IDS: variants seen among roughly 807,000 people sequenced by gnomAD.
The protein encoded by IDS is iduronate 2-sulfatase, also known as alpha-L-iduronate sulfate sulfatase.
A neutral mutation model predicts 33.5 loss-of-function variants in IDS; 1 was observed. That is an observed-to-expected ratio of 0.03 (90% CI 0.01 to 0.14). The LOEUF (loss-of-function observed/expected upper bound fraction) is 0.14, where lower values mean the gene tolerates loss of function less well. Ranked by LOEUF, IDS falls within the 10% of genes least tolerant of loss-of-function variation. The pLI, the probability that IDS is intolerant of heterozygous loss-of-function variation, is 1.00. For synonymous variants in IDS, 191 were observed against 184.4 expected (o/e 1.04, Z -0.29); for missense variants, 328 against 448.0 (o/e 0.73, Z 2.42).
At chrX:149,491,017 A>G (rs1166358973) in intron 6 of IDS, among the ~76,000 whole-genome samples, 5 of 112,013 alleles carry the variant, frequency 4.5e-5, no homozygotes, top group African/African-American at 1.6e-4. Flanking sequence ...AACTAATTAC[A>G]TCTGCAATAA....
At position 149,503,005 on chromosome X, in the gene IDS, G is replaced by A. The variant is rs2089492672; in HGVS notation, c.418+307C>T. ...TGCAGGGGAGAGGGTGGGGCCCTGAGCTGGACTCCACCCAACACTGCCACC... is the reference window on the plus strand; with the variant it reads ...TGCAGGGGAGAGGGTGGGGCCCTGAACTGGACTCCACCCAACACTGCCACC... On this transcript the variant is annotated intron_variant, in intron 3 of 8. Transcript: ENST00000340855. The A allele has an allele frequency of 5.0e-6, 3 of 600,720 alleles. No individual in the cohort carries two copies. In the South Asian group the frequency reaches 9.1e-5, roughly 18 times the overall value. The allele number at this position is 600,720 out of a possible 1,213,427, so 49.5% of individuals were successfully genotyped here.
At chrX:149,491,854 T>G (rs1370972435) in intron 6 of IDS, among the ~76,000 whole-genome samples, 1 of 112,051 alleles carries the variant, frequency 8.9e-6, no homozygotes, top group Non-Finnish European at 1.9e-5. Context: ...GCCTGCTGGG[T>G]CTGTCCTGCA....
chrX:149,502,992 G>T (rs1333742064), intron 3 of IDS: 2 of 501,884 alleles, frequency 4.0e-6, no homozygotes, highest in African/African-American at 4.8e-5. Flanking sequence ...CAGGGGAGAG[G>T]GTGGGGCCCT....
chrX:149,497,378 C>A (rs2089444011), intron 5 of IDS, among the ~76,000 whole-genome samples: 1 of 112,202 alleles, frequency 8.9e-6, no homozygotes, highest in African/African-American at 3.2e-5. Context: ...TGCAAAGAGG[C>A]AGGAGAGGTG....
chrX:149,490,585 T>G (rs1369925298), intron 6 of IDS, 145 bp from the exon 7 acceptor site: 2 of 582,232 alleles, frequency 3.4e-6, no homozygotes, highest in Non-Finnish European at 5.7e-6. Context: ...AATGTAACAC[T>G]CCTTTCCCTA....
At chrX:149,501,638 G>A (rs1427860918) in intron 3 of IDS, among the ~76,000 whole-genome samples, 1 of 111,559 alleles carries the variant, frequency 9.0e-6, no homozygotes, top group Non-Finnish European at 1.9e-5. Context: ...AGAGGTTATT[G>A]TGAGTCAGGT....
intron 3 of IDS, chrX:149,502,147 G>C (rs1557340068): frequency 6.0e-6 from 2 of 330,980 alleles, no homozygotes; most frequent in Non-Finnish European, 1.2e-5. Context: ...TGAGAACAAA[G>C]ATTCAGCTGA....
intron 8 of IDS, among the ~76,000 whole-genome samples, 184 bp from the exon 9 acceptor site, chrX:149,483,402 C>G (rs1557337677): frequency 9.0e-6 from 1 of 111,677 alleles, no homozygotes; most frequent in East Asian, 2.8e-4. Context: ...AATTACTCAT[C>G]CAATCAAATA....
chrX:149,496,028 C>A (rs1439551010), intron 6 of IDS, among the ~76,000 whole-genome samples: 6 of 112,443 alleles, frequency 5.3e-5, no homozygotes, highest in Admixed American at 4.7e-4. Context: ...GTCACCTGAA[C>A]AGTATCCCCT....
At position 149,488,805 on chromosome X, in the gene IDS, A is replaced by T. The variant is rs782480725; in HGVS notation, c.1006+1509T>A. ...GTGGGCCCCAAGGATCCATCTCCAG[A>T]TCAGGAGGAACAAGCCCGATGACCT... On this transcript the variant is annotated intron_variant, in intron 7 of 8. Transcript: ENST00000340855. Among the ~76,000 whole-genome samples, 4 of 111,708 alleles carry T rather than the reference A, an allele frequency of 3.6e-5. No homozygotes were observed. The East Asian group carries it at 1.1e-3, about 32-fold the overall frequency.
At position 149,496,327 on chromosome X, in the gene IDS, C is replaced by T; in HGVS notation, c.879+19G>A. ...ATGTCATCAGTGTCCAATACATCCC[C>T]AAACTATGTCCTTGATACCTGAAAG... On this transcript the variant is annotated intron_variant, in intron 6 of 8. Coordinates refer to ENST00000340855, the MANE Select transcript of IDS (RefSeq NM_000202.8). 8.3e-7 allele frequency: 1 copy of T among 1,205,326 alleles called. No individual in the cohort carries two copies.
In IDS at chrX:149,480,723, G is replaced by A. The variant is rs138033183; in HGVS notation, c.*2023C>T. The A allele has an allele frequency of 0.016, 2,162 of 138,392 alleles. 22 individuals carry two copies. The highest frequency in any genetic ancestry group is 0.023 in the Non-Finnish European group (1,580 of 70,180). The allele number at this position is 138,392 out of a possible 1,213,427, so 11.4% of individuals were successfully genotyped here. ...TTGAACTCCTAACCTCAAGTGATCC[G>A]CCTGCCTGGGCCTCCCAAAGTGCTG... On this transcript the variant is annotated 3_prime_UTR_variant, in exon 9 of 9. Coordinates refer to ENST00000340855, the MANE Select transcript of IDS (RefSeq NM_000202.8).
chrX:149,487,623 T>C (rs1216859321), intron 7 of IDS, among the ~76,000 whole-genome samples: 2 of 112,637 alleles, frequency 1.8e-5, no homozygotes, highest in East Asian at 2.8e-4. Flanking sequence ...GACATCTTCG[T>C]TGATTTTTAA....
In IDS at chrX:149,482,935, C is replaced by T; in HGVS notation, c.1464G>A (p.Met488Ile). 1 of 1,211,632 alleles carries T rather than the reference C, an allele frequency of 8.3e-7. No homozygotes were observed. Among genetic ancestry groups the T allele is most frequent in the Non-Finnish European group, 1.1e-6 (1 of 895,370 alleles). The change falls in exon 9 of 9, where the codon ATG (methionine) becomes ATA (isoleucine). Residue 488 changes from methionine (M) to isoleucine (I), a missense_variant. Met to Ile is a conservative substitution (Grantham distance 10). Coordinates refer to ENST00000340855, the MANE Select transcript of IDS (RefSeq NM_000202.8). ...AGTCTATGGTGCGTATGGAATAGCCCATGATCTTTATATCTTTTAAACTCG... is the reference window on the plus strand; with the variant it reads ...AGTCTATGGTGCGTATGGAATAGCCTATGATCTTTATATCTTTTAAACTCG... ...DKPSLKDIKI[M>I]GYSIRTIDYR...
chrX:149,503,970 C>A (rs1270132449), intron 2 of IDS, among the ~76,000 whole-genome samples, 187 bp downstream of exon 2: 1 of 111,546 alleles, frequency 9.0e-6, no homozygotes, highest in African/African-American at 3.3e-5. Flanking sequence ...AGAAGGCCAC[C>A]CTTGAAGGTC....
At position 149,484,571 on chromosome X, in the gene IDS, T is replaced by C. The variant is rs781842594; in HGVS notation, c.1181-1353A>G. Among the ~76,000 whole-genome samples the C allele has an allele frequency of 1.3e-4, 15 of 112,899 alleles. No individual in the cohort carries two copies. The East Asian group carries it at 1.7e-3, about 13-fold the overall frequency. ...TCCTGACCTCGTGATCCGCCCACCTTGGCCTCCCAAAGTGCTGGGATTACT... is the reference window on the plus strand; with the variant it reads ...TCCTGACCTCGTGATCCGCCCACCTCGGCCTCCCAAAGTGCTGGGATTACT... On this transcript the variant is annotated intron_variant, in intron 8 of 8. Coordinates refer to ENST00000340855, the MANE Select transcript of IDS (RefSeq NM_000202.8).
intron 8 of IDS, 106 bp from the exon 9 acceptor site, chrX:149,483,324 T>C: frequency 1.7e-6 from 1 of 590,361 alleles, no homozygotes; most frequent in Non-Finnish European, 2.8e-6. Flanking sequence ...TTTTCTTTTT[T>C]TAATTTACAA....
In IDS at chrX:149,481,477, A is replaced by G. The variant is rs186870252; in HGVS notation, c.*1269T>C. 9 of 112,795 alleles carry G rather than the reference A, an allele frequency of 8.0e-5. No individual in the cohort carries two copies. The highest frequency in any genetic ancestry group is 4.7e-4 in the Admixed American group (5 of 10,673). The allele number at this position is 112,795 out of a possible 1,213,427, so 9.3% of individuals were successfully genotyped here. On this transcript the variant is annotated 3_prime_UTR_variant, in exon 9 of 9. Transcript: ENST00000340855. ...GTTTCACAAATATTTACCTGGAAAC[A>G]CTGGAGACTTTGTAAAGAGAAAATT...
chrX:149,478,399 G>C lies in IDS; in HGVS notation c.*4347C>G. 1 of 111,612 alleles carries C rather than the reference G, an allele frequency of 9.0e-6. No individual in the cohort carries two copies. Among genetic ancestry groups the C allele is most frequent in the Non-Finnish European group, 1.9e-5 (1 of 53,107 alleles). 9.2% of individuals were successfully genotyped at this position (111,612 alleles called of 1,213,427 possible). On this transcript the variant is annotated 3_prime_UTR_variant, in exon 9 of 9. Transcript: ENST00000340855. ...TGGATGAATGGATAAGCGGAACGTG[G>C]TACATACATTTCAGTCCAAAAAAAA...
Sources: allele counts gnomAD v4.1 joint callset (sites outside exome capture counted in the v4.1 genomes callset), GRCh38; gene constraint gnomAD v4.1.1; transcripts MANE v1.5; gene names NCBI Gene and HGNC (gene_info 2026-07-23, HGNC 2026-07-21).